The following MTR variants were observed in gnomAD, a reference collection of about 807,000 sequenced individuals.
MTR encodes methionine synthase.
A neutral mutation model predicts 154.8 loss-of-function variants in MTR; 84 were observed. The ratio of observed to expected loss-of-function variants is 0.54; its 90% CI spans 0.45 to 0.65. The LOEUF (loss-of-function observed/expected upper bound fraction) is 0.65, where lower values mean the gene tolerates loss of function less well. MTR is among the 30% of genes least tolerant of loss of function. The probability of loss-of-function intolerance (pLI) is 0.00; values close to 1 mark genes in which losing one functional copy is unlikely to be tolerated. For synonymous variants in MTR, 554 were observed against 553.9 expected, an observed-to-expected ratio of 1.00 and a Z score of 0.00; for missense variants, 1,275 against 1,570.2, an observed-to-expected ratio of 0.81 and a Z score of 3.18.
In MTR at chr1:236,874,788, G is replaced by T; in HGVS notation, c.2536G>T (p.Glu846Ter). 1 of 1,613,258 alleles carries T rather than the reference G, an allele frequency of 6.2e-7. No homozygotes were observed. The highest frequency in any genetic ancestry group is 8.5e-7 in the Non-Finnish European group (1 of 1,179,676). The change falls in exon 24 of 33, where the codon GAA (glutamate) becomes TAA (stop). Residue 846 changes from glutamate to a stop codon, truncating the protein, a stop_gained. Coordinates refer to ENST00000366577, the MANE Select transcript of MTR (RefSeq NM_000254.3). LOFTEE classifies it high-confidence loss of function. ...SLDEMIFVAK[E>*]MERLAIRIPL... ...GGATGAAATGATTTTTGTTGCCAAGGAAATGGAGAGATTAGCTATAAGGAT... is the reference window on the plus strand; with the variant it reads ...GGATGAAATGATTTTTGTTGCCAAGTAAATGGAGAGATTAGCTATAAGGAT...
intron 23 of MTR, among the ~76,000 whole-genome samples, chr1:236,874,086 G>T (rs1173556263): frequency 1.3e-5 from 2 of 152,134 alleles, no homozygotes; most frequent in Non-Finnish European, 2.9e-5. Flanking sequence ...TAGAACAGTT[G>T]TATGTAGTCA....
At chr1:236,879,197 T>C (rs948140122) in intron 24 of MTR, among the ~76,000 whole-genome samples, 2 of 152,214 alleles carry the variant, frequency 1.3e-5, no homozygotes, top group African/African-American at 4.8e-5. Context: ...AAAGTACAAT[T>C]GAATCTCTCT....
chr1:236,806,526 T>G (rs1660995894), intron 3 of MTR, among the ~76,000 whole-genome samples: 2 of 152,246 alleles, frequency 1.3e-5, no homozygotes, highest in Non-Finnish European at 2.9e-5. Context: ...CACAGTATTG[T>G]GAGGCCTTTT....
At position 236,873,770 on chromosome 1, in the gene MTR, C is replaced by T; in HGVS notation, c.2406-3C>T. 1 of 1,613,504 alleles carries T rather than the reference C, an allele frequency of 6.2e-7. No homozygotes were observed. The highest frequency in any genetic ancestry group is 1.7e-4 in the Middle Eastern group (1 of 6,060). On this transcript the variant is annotated splice_region_variant and splice_polypyrimidine_tract_variant and intron_variant, in intron 22 of 32. Transcript: ENST00000366577. ...TTTCTCATGTCTCATTTCTGTGCCT[C>T]AGAGTTATTGATTTAGGAGTCATGA...
rs1353620179 is a variant in MTR at position 236,898,353 on chromosome 1, G to A, written c.*709G>A. On this transcript the variant is annotated 3_prime_UTR_variant, in exon 33 of 33. Transcript: ENST00000366577. ...AGGAAACAAAAAGGAAATGAGGAGAGAAAGTTACTGTTAAGGGTGGTTAAC... is the reference window on the plus strand; with the variant it reads ...AGGAAACAAAAAGGAAATGAGGAGAAAAAGTTACTGTTAAGGGTGGTTAAC... The A allele has an allele frequency of 1.3e-4, 20 of 151,928 alleles. No homozygotes were observed. The highest frequency in any genetic ancestry group is 4.8e-4 in the African/African-American group (20 of 41,358). 9.4% of individuals were successfully genotyped at this position (151,928 alleles called of 1,614,324 possible). A position where few individuals can be genotyped will look rare whatever the true frequency, so the allele number is the denominator to read the frequency against.
chr1:236,818,840 A>G (rs1262970486), intron 8 of MTR, among the ~76,000 whole-genome samples: 2 of 152,232 alleles, frequency 1.3e-5, no homozygotes, highest in Non-Finnish European at 2.9e-5. Context: ...GGAATAGTCC[A>G]CACTAGGAGA....
At chr1:236,879,342 G>C (rs576329075) in intron 24 of MTR, among the ~76,000 whole-genome samples, 2 of 152,196 alleles carry the variant, frequency 1.3e-5, no homozygotes, top group African/African-American at 4.8e-5. Context: ...CTTGAGGGTG[G>C]TGTTTCTTAA....
At chr1:236,808,843 T>C in intron 4 of MTR, 70 bp downstream of exon 4, 1 of 1,432,586 alleles carries the variant, frequency 7.0e-7, no homozygotes, top group South Asian at 1.1e-5. Context: ...TGTGCTGTCC[T>C]TATTGCAGTT....
At chr1:236,797,444 G>C (rs997481189) in intron 1 of MTR, among the ~76,000 whole-genome samples, 6 of 152,086 alleles carry the variant, frequency 3.9e-5, no homozygotes, top group African/African-American at 1.4e-4. Flanking sequence ...AAAGTTTCTT[G>C]GTTTCATCCT....
rs375005444 is a variant in MTR at position 236,859,932 on chromosome 1, A to G, written c.2043+10A>G. 7.8e-5 allele frequency: 126 copies of G among 1,612,248 alleles called. No individual in the cohort carries two copies. The highest frequency in any genetic ancestry group is 1.0e-4 in the Non-Finnish European group (118 of 1,178,602). On this transcript the variant is annotated intron_variant, in intron 19 of 32. Transcript: ENST00000366577. ...GTATGCCCTTGTGAAGGTAAGTTAC[A>G]GGGGCCTGAACTGGAGGGCTGGAGG...
intron 28 of MTR, among the ~76,000 whole-genome samples, chr1:236,890,512 A>G (rs896630780): frequency 6.6e-6 from 1 of 152,108 alleles, no homozygotes; most frequent in Non-Finnish European, 1.5e-5. Context: ...CCTGTGCCTT[A>G]TATTCACCAT....
intron 16 of MTR, among the ~76,000 whole-genome samples, chr1:236,850,825 C>G (rs1359944596): frequency 6.6e-6 from 1 of 152,122 alleles, no homozygotes; most frequent in Non-Finnish European, 1.5e-5. Flanking sequence ...GAGTGAGGCC[C>G]TGCCTTGAAC....
At chr1:236,829,790 C>T (rs1249980354) in intron 12 of MTR, among the ~76,000 whole-genome samples, 1 of 152,188 alleles carries the variant, frequency 6.6e-6, no homozygotes, top group East Asian at 1.9e-4. Context: ...TGGGTAGCCT[C>T]CCTTTTTCAG....
intron 8 of MTR, chr1:236,820,157 G>A (rs1366823746): frequency 1.3e-6 from 1 of 763,948 alleles, no homozygotes; most frequent in Non-Finnish European, 2.4e-6. Flanking sequence ...GGTTTGATGT[G>A]GTGGATGCTG....
intron 24 of MTR, among the ~76,000 whole-genome samples, chr1:236,877,151 A>C (rs977647297): frequency 4.6e-5 from 7 of 152,224 alleles, no homozygotes; most frequent in African/African-American, 1.7e-4. Context: ...CAAGCACTTC[A>C]CTGTAGAATT....
chr1:236,812,906 G>A, intron 6 of MTR, 62 bp downstream of exon 6: 1 of 1,200,692 alleles, frequency 8.3e-7, no homozygotes, highest in Non-Finnish European at 1.2e-6. Flanking sequence ...GTCCCCTAAT[G>A]TAGGGAGAAG....
At chr1:236,818,230 A>G (rs1057238908) in intron 8 of MTR, among the ~76,000 whole-genome samples, 1 of 152,246 alleles carries the variant, frequency 6.6e-6, no homozygotes, top group Admixed American at 6.5e-5. Flanking sequence ...AATGTAAACC[A>G]TAGACTTTAG....
In MTR at chr1:236,870,132, T is replaced by C. The variant is rs111282519; in HGVS notation, c.2406-3641T>C. Among the ~76,000 whole-genome samples the C allele has an allele frequency of 4.6e-3, 706 of 152,320 alleles. 10 individuals are homozygous for C. The highest frequency in any genetic ancestry group is 0.016 in the African/African-American group (683 of 41,572). Reference sequence around the variant, plus strand: ...TGACCAGGGCTGTGAGCAACTTCCTTTGTGCATCCCAGTACCATAAGTGTC... The same window carrying C: ...TGACCAGGGCTGTGAGCAACTTCCTCTGTGCATCCCAGTACCATAAGTGTC... On this transcript the variant is annotated intron_variant, in intron 22 of 32. Coordinates refer to ENST00000366577, the MANE Select transcript of MTR (RefSeq NM_000254.3).
At chr1:236,837,971 G>T (rs897244377) in intron 14 of MTR, among the ~76,000 whole-genome samples, 10 of 151,930 alleles carry the variant, frequency 6.6e-5, no homozygotes, top group East Asian at 5.8e-4. Context: ...TTTCAGTAAA[G>T]AACTTGATTT....
Sources: allele counts gnomAD v4.1 joint callset (sites outside exome capture counted in the v4.1 genomes callset), GRCh38; gene constraint gnomAD v4.1.1; transcripts MANE v1.5; gene names NCBI Gene and HGNC (gene_info 2026-07-23, HGNC 2026-07-21).